The following CEP120 variants were observed in gnomAD, a reference collection of about 807,000 sequenced individuals.
CEP120 encodes centrosomal protein of 120 kDa.
CEP120 carries 113 observed loss-of-function variants against 126.5 expected under a neutral mutation model. That is an observed-to-expected ratio of 0.89 (90% CI 0.77 to 1.04). CEP120 has a LOEUF of 1.04. CEP120 is among the 50% of genes least tolerant of loss of function. The probability of loss-of-function intolerance (pLI) is 0.00; values close to 1 mark genes in which losing one functional copy is unlikely to be tolerated. For synonymous variants in CEP120, 400 were observed against 394.3 expected (o/e 1.01, Z -0.17); for missense variants, 1,230 against 1,155.7 (o/e 1.06, Z -0.93).
intron 18 of CEP120, among the ~76,000 whole-genome samples, chr5:123,353,754 A>G (rs1286557794): frequency 6.6e-6 from 1 of 151,952 alleles, no homozygotes; most frequent in Admixed American, 6.6e-5. Context: ...AATTGTTCAT[A>G]CTATCCTCTT....
chr5:123,422,512 T>G (rs1774786371), intron 1 of CEP120: 4 of 1,535,464 alleles, frequency 2.6e-6, no homozygotes, highest in Admixed American at 2.0e-5. Context: ...TGTAGTCCCC[T>G]GAGTCCTCCA....
At chr5:123,369,763 C>T (rs1379516776) in intron 17 of CEP120, among the ~76,000 whole-genome samples, 1 of 152,016 alleles carries the variant, frequency 6.6e-6, no homozygotes, top group Non-Finnish European at 1.5e-5. Flanking sequence ...TTGCCACATT[C>T]AATGACATCA....
At chr5:123,402,576 T>G (rs1168125435) in intron 4 of CEP120, among the ~76,000 whole-genome samples, 1 of 152,130 alleles carries the variant, frequency 6.6e-6, no homozygotes, top group East Asian at 1.9e-4. Context: ...CAAGCCAGGC[T>G]AATTTTTTCT....
intron 4 of CEP120, chr5:123,401,434 T>C (rs1773227346): frequency 7.4e-7 from 1 of 1,355,032 alleles, no homozygotes; most frequent in Middle Eastern, 2.2e-4. Context: ...TCTTAGTCTT[T>C]GTGCACCGCA....
intron 19 of CEP120, among the ~76,000 whole-genome samples, chr5:123,349,283 TAA>T (rs1314040148): frequency 3.9e-5 from 6 of 152,182 alleles, no homozygotes. Context: ...GCTCTGTCTT[TAA>T]TCTTCAATCT....
chr5:123,370,186 A>G lies in CEP120; in HGVS notation c.2481+2464T>C, dbSNP rs1028097964. ...GAAAGTTTAGAATCTAGGTTGCATT[A>G]TGGTAGCTCTGAAATAAGTATAAGA... On this transcript the variant is annotated intron_variant, in intron 17 of 19. Coordinates refer to ENST00000306467, the MANE Select transcript of CEP120 (RefSeq NM_001375405.1). Among the ~76,000 whole-genome samples the G allele has an allele frequency of 3.9e-5, 6 of 152,166 alleles. No individual in the cohort carries two copies. The East Asian group carries it at 9.7e-4, about 25-fold the overall frequency.
intron 18 of CEP120, among the ~76,000 whole-genome samples, chr5:123,350,405 T>TA (rs1561988240): frequency 1.3e-5 from 2 of 152,012 alleles, no homozygotes; most frequent in Non-Finnish European, 2.9e-5. Flanking sequence ...TTATGAGTTA[T>TA]ATATTAACCA....
At chr5:123,407,105 TAA>T (rs34074238) in intron 4 of CEP120, among the ~76,000 whole-genome samples, 1 of 124,774 alleles carries the variant, frequency 8.0e-6, no homozygotes, top group African/African-American at 2.9e-5. Context: ...ACTAAAAAAG[TAA>T]AAAAAAAAAA....
chr5:123,421,279 C>G (rs1774694023), intron 1 of CEP120, among the ~76,000 whole-genome samples: 1 of 152,140 alleles, frequency 6.6e-6, no homozygotes, highest in South Asian at 2.1e-4. Flanking sequence ...CAATGTTCCA[C>G]CCACCATGCT....
At chr5:123,350,530 A>C (rs1769135479) in intron 18 of CEP120, among the ~76,000 whole-genome samples, 1 of 152,254 alleles carries the variant, frequency 6.6e-6, no homozygotes, top group African/African-American at 2.4e-5. Context: ...AGTTGAAGGC[A>C]AGAAAGAGGG....
At chr5:123,390,185 C>T in intron 7 of CEP120, 45 bp from the exon 8 acceptor site, 1 of 1,383,958 alleles carries the variant, frequency 7.2e-7, no homozygotes, top group Non-Finnish European at 1.0e-6. Context: ...AAGAACTTTC[C>T]TTCATAATTA....
At position 123,386,637 on chromosome 5, in the gene CEP120, A is replaced by G; in HGVS notation, c.1461T>C (p.Ala487=). 1 of 1,409,788 alleles carries G rather than the reference A, an allele frequency of 7.1e-7. No individual in the cohort carries two copies. Among genetic ancestry groups the G allele is most frequent in the Non-Finnish European group, 9.7e-7 (1 of 1,027,824 alleles). 87.3% of individuals were successfully genotyped at this position (1,409,788 alleles called of 1,614,324 possible). A position where few individuals can be genotyped will look rare whatever the true frequency, so the allele number is the denominator to read the frequency against. The change falls in exon 10 of 20, where the codon GCT becomes GCC. Residue 487 remains alanine, a synonymous_variant. Transcript: ENST00000306467. The stretch of plus-strand genomic sequence containing the variant: ...CTACAGGAGGATTAGTCATAATAGG[A>G]GCTGCACTTCCAAAGAATGGATATG... ...RYSYPFFGSA[A]PIMTNPPVEV...
chr5:123,359,221 C>T (rs992208225), intron 18 of CEP120, among the ~76,000 whole-genome samples: 1 of 152,014 alleles, frequency 6.6e-6, no homozygotes, highest in Non-Finnish European at 1.5e-5. Context: ...CTACTGTGCA[C>T]AAATATGGTA....
intron 3 of CEP120, among the ~76,000 whole-genome samples, chr5:123,415,699 C>A (rs1186182519): frequency 6.6e-6 from 1 of 152,030 alleles, no homozygotes. Flanking sequence ...CATAGCAAAA[C>A]CCCATCACTA....
At chr5:123,357,640 TAGTCCC>T (rs1276079117) in intron 18 of CEP120, among the ~76,000 whole-genome samples, 1 of 152,126 alleles carries the variant, frequency 6.6e-6, no homozygotes, top group African/African-American at 2.4e-5. Flanking sequence ...CGTGCACCTG[TAGTCCC>T]AGATACTTGG....
rs143543367 is a variant in CEP120, at chr5:123,410,188, T to C, written c.463+2211A>G. On this transcript the variant is annotated intron_variant, in intron 4 of 19. Transcript: ENST00000306467. ...TATGAAGAAAACTATAAAACTCTGATAAAAGAAATCAAAGAACTAAATAAA... is the reference window on the plus strand; with the variant it reads ...TATGAAGAAAACTATAAAACTCTGACAAAAGAAATCAAAGAACTAAATAAA... Among the ~76,000 whole-genome samples, 5 of 152,158 alleles carry C rather than the reference T, an allele frequency of 3.3e-5. No individual in the cohort carries two copies. In the East Asian group the frequency reaches 9.7e-4, roughly 29 times the overall value.
intron 18 of CEP120, among the ~76,000 whole-genome samples, chr5:123,350,790 T>C (rs1769150214): frequency 6.6e-6 from 1 of 152,222 alleles, no homozygotes; most frequent in African/African-American, 2.4e-5. Context: ...AGTTTGCATT[T>C]TTAAAAAAGT....
At chr5:123,404,219 C>G (rs977338809) in intron 4 of CEP120, among the ~76,000 whole-genome samples, 2 of 152,142 alleles carry the variant, frequency 1.3e-5, no homozygotes, top group Admixed American at 6.5e-5. Flanking sequence ...AAAACAAATT[C>G]TTAAAATTTT....
chr5:123,398,413 G>T (rs746609340), intron 5 of CEP120, among the ~76,000 whole-genome samples: 2 of 152,134 alleles, frequency 1.3e-5, no homozygotes, highest in Non-Finnish European at 2.9e-5. Context: ...ATTTCCCAGG[G>T]TTGTTTAAGC....
Sources: allele counts gnomAD v4.1 joint callset (sites outside exome capture counted in the v4.1 genomes callset), GRCh38; gene constraint gnomAD v4.1.1; transcripts MANE v1.5; gene names NCBI Gene and HGNC (gene_info 2026-07-23, HGNC 2026-07-21).